Variants in ABTB3 observed in about 807,000 individuals in gnomAD.
ABTB3 encodes ankyrin repeat- and BTB/POZ domain-containing protein 3.
the ABTB3 span, among the ~76,000 whole-genome samples, chr12:107,492,636 C>T: frequency 0.049 from 7,525 of 152,176 alleles, 617 homozygotes; most frequent in African/African-American, 0.17. Flanking sequence ...TCTCTGTAGC[C>T]TCCTTCATAG....
the ABTB3 span, among the ~76,000 whole-genome samples, chr12:107,362,864 C>A: frequency 1.3e-5 from 2 of 151,594 alleles, no homozygotes; most frequent in Non-Finnish European, 2.9e-5. Context: ...TCTTTTGATT[C>A]TTCTAACAAT....
At chr12:107,420,937 A>G in the ABTB3 span, among the ~76,000 whole-genome samples, 12 of 152,264 alleles carry the variant, frequency 7.9e-5, no homozygotes, top group Non-Finnish European at 1.8e-4. Context: ...AGCTGCCCGA[A>G]TCATTACTAT....
At chr12:107,508,150 G>A in the ABTB3 span, among the ~76,000 whole-genome samples, 2 of 152,068 alleles carry the variant, frequency 1.3e-5, no homozygotes, top group South Asian at 4.2e-4. Flanking sequence ...ATGAATGGAA[G>A]TTAAGCTCCA....
the ABTB3 span, among the ~76,000 whole-genome samples, chr12:107,595,030 A>C: frequency 6.6e-6 from 1 of 151,968 alleles, no homozygotes; most frequent in Non-Finnish European, 1.5e-5. Context: ...TGACAGCCAA[A>C]AATGTCTCCA....
chr12:107,593,336 T>C, the ABTB3 span, among the ~76,000 whole-genome samples: 1 of 152,194 alleles, frequency 6.6e-6, no homozygotes, highest in East Asian at 1.9e-4. Flanking sequence ...GAAAAAAATT[T>C]TGGACCCATC....
At chr12:107,614,488 G>T in the ABTB3 span, among the ~76,000 whole-genome samples, 1 of 152,072 alleles carries the variant, frequency 6.6e-6, no homozygotes, top group African/African-American at 2.4e-5. Flanking sequence ...CCCTTGCCTG[G>T]GGTTTGCCAC....
At chr12:107,393,787 A>G in the ABTB3 span, among the ~76,000 whole-genome samples, 42,506 of 151,968 alleles carry the variant, frequency 0.28, 6,149 homozygotes, top group Admixed American at 0.35. Flanking sequence ...AAAATTAGCC[A>G]GGGATGGTGG....
At chr12:107,571,984 G>A in the ABTB3 span, among the ~76,000 whole-genome samples, 1 of 152,228 alleles carries the variant, frequency 6.6e-6, no homozygotes, top group Admixed American at 6.5e-5. Context: ...GCCAAGTGCA[G>A]CAGGCTAAAT....
At chr12:107,318,742 T>C in the ABTB3 span, 1 of 613,316 alleles carries the variant, frequency 1.6e-6, no homozygotes, top group Non-Finnish European at 2.8e-6. Context: ...GGAAGATGAC[T>C]CCAGGGTCTG....
chr12:107,339,680 C>CGTGT, the ABTB3 span, among the ~76,000 whole-genome samples: 47 of 149,238 alleles, frequency 3.1e-4, no homozygotes, highest in African/African-American at 3.9e-4. Context: ...TGTGCATGCA[C>CGTGT]GTGTGTGTGT....
chr12:107,360,930 A>ATT, the ABTB3 span, among the ~76,000 whole-genome samples: 5,323 of 84,150 alleles, frequency 0.063, 378 homozygotes, highest in African/African-American at 0.1. Context: ...ATTTAATTTA[A>ATT]TTTTTTTTTT....
At chr12:107,644,976 T>C in the ABTB3 span, among the ~76,000 whole-genome samples, 1 of 149,584 alleles carries the variant, frequency 6.7e-6, no homozygotes, top group African/African-American at 2.5e-5. Flanking sequence ...AATTCACTTT[T>C]TTTTTTTTTT....
chr12:107,612,358 A>G, the ABTB3 span, among the ~76,000 whole-genome samples: 5 of 152,230 alleles, frequency 3.3e-5, no homozygotes, highest in Non-Finnish European at 7.3e-5. Context: ...AGCAGCTTTT[A>G]TAGAGCAAAG....
the ABTB3 span, among the ~76,000 whole-genome samples, chr12:107,322,207 A>G: frequency 1.3e-5 from 2 of 152,184 alleles, no homozygotes; most frequent in East Asian, 1.9e-4. Context: ...AAGACCACAG[A>G]GTTGGTTTTG....
the ABTB3 span, among the ~76,000 whole-genome samples, chr12:107,596,284 CAG>C: frequency 6.6e-6 from 1 of 152,162 alleles, no homozygotes. Context: ...TGTGGGGCAA[CAG>C]GGAGAACTGA....
At chr12:107,604,099 G>A in the ABTB3 span, among the ~76,000 whole-genome samples, 1 of 151,950 alleles carries the variant, frequency 6.6e-6, no homozygotes, top group Non-Finnish European at 1.5e-5. Context: ...AACCCAGGAG[G>A]CAGAGCTTGC....
chr12:107,368,663 A>C, the ABTB3 span, among the ~76,000 whole-genome samples: 1 of 152,210 alleles, frequency 6.6e-6, no homozygotes, highest in Non-Finnish European at 1.5e-5. Context: ...GATAATCAGT[A>C]CCAGGTGAGT....
the ABTB3 span, among the ~76,000 whole-genome samples, chr12:107,368,343 G>GCC: frequency 6.6e-6 from 1 of 152,190 alleles, no homozygotes; most frequent in Non-Finnish European, 1.5e-5. Flanking sequence ...GCCAAAACAA[G>GCC]TCACATGGCC....
the ABTB3 span, among the ~76,000 whole-genome samples, chr12:107,599,643 C>T: frequency 4.6e-5 from 7 of 152,154 alleles, no homozygotes; most frequent in Admixed American, 4.6e-4. Flanking sequence ...CCTGTGTAGC[C>T]AAACAGCTCA....
Sources: gnomAD v4.1 joint callset for allele counts (sites outside exome capture counted in the v4.1 genomes callset) on GRCh38, gnomAD v4.1.1 for gene constraint, MANE v1.5 for transcripts, NCBI Gene and HGNC (gene_info 2026-07-23, HGNC 2026-07-21) for gene names.